Variants in HIF3A observed in about 807,000 individuals in gnomAD.
HIF3A encodes the protein hypoxia inducible factor 3 subunit alpha.
A neutral mutation model predicts 67.2 loss-of-function variants in HIF3A; 41 were observed. The observed-to-expected ratio is 0.61, with a 90% CI of 0.48 to 0.79. HIF3A has a LOEUF of 0.79. HIF3A is among the 30% of genes least tolerant of loss of function. The pLI is 0.00. For synonymous variants in HIF3A, 356 were observed against 374.8 expected, an observed-to-expected ratio of 0.95 and a Z score of 0.58; for missense variants, 855 against 898.0, an observed-to-expected ratio of 0.95 and a Z score of 0.61.
chr19:46,313,808 C>A (rs1008255572), intron 8 of HIF3A, among the ~76,000 whole-genome samples: 1 of 150,748 alleles, frequency 6.6e-6, no homozygotes, highest in Non-Finnish European at 1.5e-5. Context: ...TGGGATTACA[C>A]GCAACAACAC....
chr19:46,308,361 A>G (rs1969088645), intron 4 of HIF3A, 56 bp downstream of exon 4: 2 of 1,088,202 alleles, frequency 1.8e-6, no homozygotes, highest in Admixed American at 2.0e-5. Flanking sequence ...CTGAGGCTCC[A>G]CCCCTCCCTC....
intron 8 of HIF3A, 59 bp downstream of exon 8, chr19:46,312,712 G>C (rs1601256030): frequency 9.3e-7 from 1 of 1,080,850 alleles, no homozygotes; most frequent in Admixed American, 2.8e-5. Flanking sequence ...TGTGTGGACA[G>C]GTGTGTGTGT....
At chr19:46,333,161 A>G (rs1971361490) in intron 13 of HIF3A, among the ~76,000 whole-genome samples, 1 of 152,154 alleles carries the variant, frequency 6.6e-6, no homozygotes, top group Non-Finnish European at 1.5e-5. Context: ...CACAACTACT[A>G]TTGAAATGTT....
rs1223006482 is a variant in HIF3A, at chr19:46,312,182, T to C, written c.792T>C (p.Tyr264=). The C allele has an allele frequency of 6.2e-7, 1 of 1,614,090 alleles. No homozygotes were observed. Among genetic ancestry groups the C allele is most frequent in the Non-Finnish European group, 8.5e-7 (1 of 1,180,004 alleles). ...CDDRIAEVAG[Y]SPDDLIGCSA... The stretch of plus-strand genomic sequence containing the variant: ...CCAGGATTGCAGAAGTGGCTGGCTA[T>C]AGTCCCGATGACCTGATCGGCTGTT... Residue 264 remains tyrosine (Y), a synonymous_variant, in exon 7 of 15, where the codon TAT becomes TAC. Coordinates refer to ENST00000377670, the MANE Select transcript of HIF3A (RefSeq NM_152795.4).
chr19:46,331,063 G>A (rs77498043), intron 12 of HIF3A, 93 bp from the exon 13 acceptor site: 41,327 of 871,268 alleles, frequency 0.047, 1,222 homozygotes, highest in Middle Eastern at 0.059. Flanking sequence ...TAGGTGCTCA[G>A]GGGAGTGAAT....
chr19:46,307,249 C>T (rs538298794), intron 3 of HIF3A, among the ~76,000 whole-genome samples: 2 of 152,274 alleles, frequency 1.3e-5, no homozygotes, highest in East Asian at 1.9e-4. Context: ...GTCTGTCTCA[C>T]CCCACTGGCC....
chr19:46,322,009 A>T, intron 10 of HIF3A, 43 bp downstream of exon 10: 10 of 1,595,490 alleles, frequency 6.3e-6, no homozygotes, highest in Non-Finnish European at 7.7e-6. Flanking sequence ...TCCAGTGCTC[A>T]GTCCCTCAGG....
At chr19:46,330,334 AG>A (rs1971106065) in intron 12 of HIF3A, among the ~76,000 whole-genome samples, 1 of 151,700 alleles carries the variant, frequency 6.6e-6, no homozygotes, top group Non-Finnish European at 1.5e-5. Flanking sequence ...TGTAGGTGAA[AG>A]GGTGTATGTA....
At chr19:46,298,355 G>C in intron 1 of HIF3A, 1 of 1,267,534 alleles carries the variant, frequency 7.9e-7, no homozygotes, top group African/African-American at 1.5e-5. Flanking sequence ...TCTTGGCTGA[G>C]CTCGGGTGCC....
chr19:46,333,158 A>G (rs1242871671), intron 13 of HIF3A, among the ~76,000 whole-genome samples: 1 of 152,120 alleles, frequency 6.6e-6, no homozygotes, highest in African/African-American at 2.4e-5. Context: ...CCCCACAACT[A>G]CTATTGAAAT....
chr19:46,325,264 T>C (rs1970694586), intron 10 of HIF3A, among the ~76,000 whole-genome samples: 1 of 152,038 alleles, frequency 6.6e-6, no homozygotes, highest in African/African-American at 2.4e-5. Context: ...CCCAAAGTCC[T>C]GGGATTACAG....
intron 10 of HIF3A, among the ~76,000 whole-genome samples, chr19:46,324,473 T>C (rs1160219032): frequency 2.0e-5 from 3 of 152,184 alleles, no homozygotes; most frequent in African/African-American, 7.2e-5. Flanking sequence ...GACCTCATCC[T>C]TTACCCCTGA....
intron 14 of HIF3A, among the ~76,000 whole-genome samples, chr19:46,336,705 G>T (rs1228618715): frequency 6.7e-6 from 1 of 148,704 alleles, no homozygotes. Flanking sequence ...TAAACAAACA[G>T]TCCAGGTGCA....
chr19:46,335,868 G>A (rs186943296), intron 14 of HIF3A, among the ~76,000 whole-genome samples: 102 of 151,890 alleles, frequency 6.7e-4, no homozygotes, highest in African/African-American at 2.1e-3. Flanking sequence ...GCAAAACCCC[G>A]TCTCTACAAA....
intron 1 of HIF3A, among the ~76,000 whole-genome samples, chr19:46,299,246 C>T (rs929658512): frequency 6.6e-5 from 10 of 152,194 alleles, no homozygotes; most frequent in African/African-American, 1.7e-4. Flanking sequence ...AGGGGTGTGA[C>T]GGGGGAAGGG....
At chr19:46,336,156 C>T (rs1363674306) in intron 14 of HIF3A, among the ~76,000 whole-genome samples, 3 of 128,040 alleles carry the variant, frequency 2.3e-5, no homozygotes, top group Non-Finnish European at 3.1e-5. Context: ...TGCAGCCGTG[C>T]GATCTTGGCT....
At chr19:46,301,236 A>G (rs1344689922) in intron 1 of HIF3A, among the ~76,000 whole-genome samples, 1 of 151,972 alleles carries the variant, frequency 6.6e-6, no homozygotes, top group Non-Finnish European at 1.5e-5. Flanking sequence ...CTGTCTCCAG[A>G]CAGGAAAATA....
chr19:46,305,359 A>G lies in HIF3A; in HGVS notation c.332A>G (p.Glu111Gly), dbSNP rs763879411. ...GAGGGAGACATGGCTTACCTGTCGG[A>G]GAATGTCAGCAAACACCTGGGCCTC... ...TAEGDMAYLSENVSKHLGLSQ... is the reference protein window; with the variant it reads ...TAEGDMAYLSGNVSKHLGLSQ... Residue 111 changes from glutamate (E) to glycine (G), a missense_variant, in exon 3 of 15, where the codon GAG (glutamate) becomes GGG (glycine). Physicochemically the swap from Glu to Gly is moderately conservative, Grantham distance 98. Transcript: ENST00000377670. 1.7e-5 allele frequency: 27 copies of G among 1,613,890 alleles called. No individual in the cohort carries two copies. Among genetic ancestry groups the G allele is most frequent in the Non-Finnish European group, 2.1e-5 (25 of 1,180,028 alleles).
chr19:46,308,087 C>A, intron 3 of HIF3A, 134 bp from the exon 4 acceptor site: 1 of 751,400 alleles, frequency 1.3e-6, no homozygotes. Flanking sequence ...GATGGATGGA[C>A]AAATGGATGG....
Sources: gnomAD v4.1 joint callset for allele counts (sites outside exome capture counted in the v4.1 genomes callset) on GRCh38, gnomAD v4.1.1 for gene constraint, MANE v1.5 for transcripts, NCBI Gene and HGNC (gene_info 2026-07-23, HGNC 2026-07-21) for gene names.